The following FHIP1A variants were observed in gnomAD, a reference collection of about 807,000 sequenced individuals.
The protein encoded by FHIP1A is FHF complex subunit HOOK-interacting protein 1A.
In FHIP1A, 61 loss-of-function variants were observed where a neutral mutation model predicts 88.6. That is an observed-to-expected ratio of 0.69 (90% CI 0.56 to 0.85). The LOEUF (loss-of-function observed/expected upper bound fraction) is 0.85, where lower values mean the gene tolerates loss of function less well. FHIP1A is among the 40% of genes least tolerant of loss of function. The pLI is 0.00. For missense variants in FHIP1A, 1,154 were observed against 1,273.5 expected (o/e 0.91, Z 1.43); for synonymous variants, 478 against 496.0 (o/e 0.96, Z 0.48).
intron 2 of FHIP1A, among the ~76,000 whole-genome samples, chr4:151,461,506 G>T (rs1197435778): frequency 6.6e-6 from 1 of 152,142 alleles, no homozygotes; most frequent in Non-Finnish European, 1.5e-5. Flanking sequence ...CCAACACAAA[G>T]AAATGATAAA....
intron 3 of FHIP1A, among the ~76,000 whole-genome samples, chr4:151,504,605 ATGTC>A (rs1730765404): frequency 1.9e-5 from 1 of 52,850 alleles, no homozygotes; most frequent in Admixed American, 1.7e-4. Context: ...ATGTTATGTT[ATGTC>A]ATGTTATGTT....
At chr4:151,583,325 C>T (rs914773774) in intron 5 of FHIP1A, among the ~76,000 whole-genome samples, 1 of 152,206 alleles carries the variant, frequency 6.6e-6, no homozygotes, top group Non-Finnish European at 1.5e-5. Context: ...GTGGCAGGAA[C>T]ATGGCAGGAC....
intron 7 of FHIP1A, among the ~76,000 whole-genome samples, chr4:151,620,476 A>C (rs955278457): frequency 9.2e-5 from 14 of 152,220 alleles, no homozygotes; most frequent in African/African-American, 3.4e-4. Context: ...CGTCTTAAGC[A>C]TTTGACCCTG....
intron 1 of FHIP1A, among the ~76,000 whole-genome samples, chr4:151,415,637 G>T (rs1732863343): frequency 6.6e-6 from 1 of 152,212 alleles, no homozygotes; most frequent in Admixed American, 6.5e-5. Flanking sequence ...TTATGAAAAT[G>T]TTAAATTTCT....
At chr4:151,547,198 G>A (rs1395043198) in intron 3 of FHIP1A, among the ~76,000 whole-genome samples, 3 of 151,322 alleles carry the variant, frequency 2.0e-5, no homozygotes, top group African/African-American at 7.3e-5. Context: ...GTATGTGTGA[G>A]CAGTGGCAGA....
intron 3 of FHIP1A, among the ~76,000 whole-genome samples, chr4:151,541,917 G>A (rs1272363223): frequency 6.6e-6 from 1 of 152,146 alleles, no homozygotes; most frequent in Non-Finnish European, 1.5e-5. Flanking sequence ...CTTATGCAGA[G>A]TACAATTGAG....
chr4:151,548,852 T>C (rs1732609985), intron 3 of FHIP1A, among the ~76,000 whole-genome samples: 1 of 152,200 alleles, frequency 6.6e-6, no homozygotes. Flanking sequence ...CCCGGTGCTG[T>C]AAAGAAATAG....
chr4:151,534,256 T>G (rs1330288243), intron 3 of FHIP1A, among the ~76,000 whole-genome samples: 1 of 152,242 alleles, frequency 6.6e-6, no homozygotes, highest in Non-Finnish European at 1.5e-5. Context: ...TAGCAGCTAT[T>G]TAAGTTCTCA....
chr4:151,573,158 G>T (rs746380642), intron 4 of FHIP1A, among the ~76,000 whole-genome samples: 1 of 152,026 alleles, frequency 6.6e-6, no homozygotes, highest in East Asian at 1.9e-4. Flanking sequence ...CTATAAATTC[G>T]ATATTTTTAA....
chr4:151,417,562 G>C (rs192763026), intron 1 of FHIP1A, among the ~76,000 whole-genome samples: 1 of 152,302 alleles, frequency 6.6e-6, no homozygotes, highest in Admixed American at 6.5e-5. Flanking sequence ...GGAGATGGGG[G>C]TTGCAAAGGG....
intron 1 of FHIP1A, among the ~76,000 whole-genome samples, chr4:151,432,656 T>C (rs1179281284): frequency 4.6e-5 from 7 of 152,178 alleles, no homozygotes; most frequent in African/African-American, 1.7e-4. Flanking sequence ...TGTGCAGTGA[T>C]CAATGTATGA....
chr4:151,613,180 C>T (rs1735390295), intron 7 of FHIP1A, among the ~76,000 whole-genome samples: 1 of 152,192 alleles, frequency 6.6e-6, no homozygotes, highest in African/African-American at 2.4e-5. Flanking sequence ...TGTAATGGGT[C>T]TTTCCATCCT....
intron 3 of FHIP1A, among the ~76,000 whole-genome samples, chr4:151,500,890 A>G (rs1730627103): frequency 1.3e-5 from 2 of 152,244 alleles, no homozygotes; most frequent in Admixed American, 1.3e-4. Flanking sequence ...ACACACCAGC[A>G]TATACTTTTA....
intron 3 of FHIP1A, among the ~76,000 whole-genome samples, chr4:151,521,002 C>T (rs769983650): frequency 1.3e-5 from 2 of 152,172 alleles, no homozygotes; most frequent in Non-Finnish European, 2.9e-5. Context: ...ATTATGGAAA[C>T]AGAACAGTGG....
At chr4:151,519,097 A>G (rs1731360832) in intron 3 of FHIP1A, among the ~76,000 whole-genome samples, 1 of 152,212 alleles carries the variant, frequency 6.6e-6, no homozygotes, top group Admixed American at 6.5e-5. Context: ...ATTTGTACTC[A>G]AATGAAATGC....
rs937009523 is a variant in FHIP1A, at chr4:151,666,678, G to A, written c.*3924G>A. ...TCAGCTTGGCTGTGGCCGTCATGTG[G>A]ACTGATTCCCAGGTCTGTTTGAGGT... On this transcript the variant is annotated 3_prime_UTR_variant, in exon 14 of 14. Coordinates refer to ENST00000435205, the MANE Select transcript of FHIP1A (RefSeq NM_001109977.3). Among the ~76,000 whole-genome samples, 1 of 152,184 alleles carries A rather than the reference G, an allele frequency of 6.6e-6. No homozygotes were observed. Among genetic ancestry groups the A allele is most frequent in the Admixed American group, 6.5e-5 (1 of 15,280 alleles).
At chr4:151,608,037 CTTTTTTT>C (rs376335318) in intron 7 of FHIP1A, among the ~76,000 whole-genome samples, 60 of 67,136 alleles carry the variant, frequency 8.9e-4, no homozygotes, top group African/African-American at 3.2e-3. Context: ...CTTTCTTCTT[CTTTTTTT>C]TTTTTTTTTT....
chr4:151,616,062 G>A (rs141104121), intron 7 of FHIP1A, among the ~76,000 whole-genome samples: 15 of 152,308 alleles, frequency 9.8e-5, no homozygotes, highest in African/African-American at 3.4e-4. Context: ...TTTGCCATCA[G>A]TTGGCAGTGT....
chr4:151,511,575 C>T (rs1461768267), intron 3 of FHIP1A, among the ~76,000 whole-genome samples: 1 of 152,214 alleles, frequency 6.6e-6, no homozygotes, highest in Non-Finnish European at 1.5e-5. Context: ...TCGGGTCACT[C>T]CCACCCTAAT....
Sources: allele counts gnomAD v4.1 joint callset (sites outside exome capture counted in the v4.1 genomes callset), GRCh38; gene constraint gnomAD v4.1.1; transcripts MANE v1.5; gene names NCBI Gene and HGNC (gene_info 2026-07-23, HGNC 2026-07-21).